The following EHF variants were observed in gnomAD, a reference collection of about 807,000 sequenced individuals.
EHF encodes ETS homologous factor.
A neutral mutation model predicts 45.1 loss-of-function variants in EHF; 14 were observed. That is an observed-to-expected ratio of 0.31 (90% CI 0.21 to 0.49). The LOEUF (loss-of-function observed/expected upper bound fraction) is 0.49, where lower values mean the gene tolerates loss of function less well. Among genes scored for constraint, EHF ranks in the 20% least tolerant of loss-of-function variants. The pLI, the probability that EHF is intolerant of heterozygous loss-of-function variation, is 0.99. For missense variants in EHF, 282 were observed against 371.4 expected, an observed-to-expected ratio of 0.76 and a Z score of 1.98; for synonymous variants, 136 against 131.8, an observed-to-expected ratio of 1.03 and a Z score of -0.22.
chr11:34,631,451 C>T lies in EHF; in HGVS notation c.-4+10223C>T, dbSNP rs146613241. ...GGGCGATTTGTTTAGCTCCTTGTGG[C>T]CCTTTTTGGACTTAGCTTATCATGT... On this transcript the variant is annotated intron_variant, in intron 1 of 8. Coordinates refer to ENST00000257831, the MANE Select transcript of EHF (RefSeq NM_012153.6). 4.9e-4 allele frequency: 219 copies of T among 444,272 alleles called. 1 individual carries two copies. The highest frequency in any genetic ancestry group is 4.4e-3 in the African/African-American group (204 of 46,816). The allele number at this position is 444,272 out of a possible 1,614,324, so 27.5% of individuals were successfully genotyped here. A position where few individuals can be genotyped will look rare whatever the true frequency, so the allele number is the denominator to read the frequency against.
intron 1 of EHF, among the ~76,000 whole-genome samples, chr11:34,631,083 G>A (rs1479528732): frequency 5.9e-5 from 9 of 152,144 alleles, no homozygotes. Flanking sequence ...CAGGCTGGGT[G>A]TGCAGTGGCA....
At position 34,659,262 on chromosome 11, in the gene EHF, G is replaced by A. The variant is rs1240629243; in HGVS notation, c.*331G>A. On this transcript the variant is annotated 3_prime_UTR_variant, in exon 9 of 9. Transcript: ENST00000257831. ...TTTGTAGCCTTGTGCTTCTTGCTAA[G>A]AGAAAGAAAAACAAAATCAGAGGGC... 2.0e-5 allele frequency: 4 copies of A among 195,740 alleles called. No individual in the cohort carries two copies. The highest frequency in any genetic ancestry group is 4.1e-5 in the Non-Finnish European group (4 of 97,040). The allele number at this position is 195,740 out of a possible 1,614,324, so 12.1% of individuals were successfully genotyped here.
intron 3 of EHF, among the ~76,000 whole-genome samples, chr11:34,647,567 A>G (rs2134150364): frequency 6.6e-6 from 1 of 152,344 alleles, no homozygotes; most frequent in Non-Finnish European, 1.5e-5. Context: ...GCAATATTTA[A>G]GAACAGGGAG....
intron 6 of EHF, among the ~76,000 whole-genome samples, chr11:34,652,656 G>T (rs1472740262): frequency 6.6e-6 from 1 of 152,182 alleles, no homozygotes; most frequent in Non-Finnish European, 1.5e-5. Flanking sequence ...CTCTCTCCTG[G>T]AATTAAATTT....
At position 34,661,147 on chromosome 11, in the gene EHF, A is replaced by G. The variant is rs1217797946; in HGVS notation, c.*2216A>G. On this transcript the variant is annotated 3_prime_UTR_variant, in exon 9 of 9. Coordinates refer to ENST00000257831, the MANE Select transcript of EHF (RefSeq NM_012153.6). ...TGCTTTACAAGAAGGCCAAAGAACT[A>G]TGGGGCCTTCCCAGCATTTGACTGT... 6.6e-6 allele frequency: 1 copy of G among 152,186 alleles called. No homozygotes were observed. Among genetic ancestry groups the G allele is most frequent in the African/African-American group, 2.4e-5 (1 of 41,470 alleles). 9.4% of individuals were successfully genotyped at this position (152,186 alleles called of 1,614,324 possible).
intron 1 of EHF, chr11:34,642,062 C>T (rs1854052505): frequency 1.3e-5 from 2 of 152,158 alleles, no homozygotes; most frequent in Admixed American, 1.3e-4. Context: ...ATCACAAAGC[C>T]AGATACTTGA....
At chr11:34,654,171 C>T (rs1383924505) in intron 6 of EHF, among the ~76,000 whole-genome samples, 1 of 152,350 alleles carries the variant, frequency 6.6e-6, no homozygotes, top group South Asian at 2.1e-4. Context: ...TGAAGTCACG[C>T]TCTCTCACTT....
intron 1 of EHF, among the ~76,000 whole-genome samples, chr11:34,625,591 C>T (rs1245592455): frequency 2.6e-5 from 4 of 152,206 alleles, no homozygotes; most frequent in East Asian, 3.8e-4. Flanking sequence ...GCCCAGAAAG[C>T]GTCAACCTTG....
intron 6 of EHF, among the ~76,000 whole-genome samples, chr11:34,656,274 C>T (rs1459796355): frequency 2.6e-5 from 4 of 152,132 alleles, no homozygotes; most frequent in African/African-American, 9.7e-5. Context: ...TGAGCTTGGG[C>T]CACTCAATGG....
chr11:34,647,933 C>T (rs1211017665), intron 3 of EHF, among the ~76,000 whole-genome samples: 2 of 152,294 alleles, frequency 1.3e-5, no homozygotes, highest in Admixed American at 6.5e-5. Context: ...TTACCTCCAC[C>T]CCCCAATTAA....
chr11:34,631,506 T>C (rs1852887117), intron 1 of EHF: 2 of 914,604 alleles, frequency 2.2e-6, no homozygotes, highest in Non-Finnish European at 2.6e-6. Flanking sequence ...GAAGTGAGCA[T>C]GTGATGATGC....
intron 4 of EHF, among the ~76,000 whole-genome samples, chr11:34,650,165 CAG>C (rs1438188334): frequency 6.6e-6 from 1 of 152,158 alleles, no homozygotes; most frequent in Non-Finnish European, 1.5e-5. Flanking sequence ...CCGAAGGAGC[CAG>C]GGTAATACTG....
intron 2 of EHF, among the ~76,000 whole-genome samples, chr11:34,643,814 C>G (rs773781875): frequency 6.6e-6 from 1 of 152,160 alleles, no homozygotes; most frequent in African/African-American, 2.4e-5. Context: ...TTTGGCATCC[C>G]CAGGACCCTG....
At chr11:34,650,529 A>G (rs976880707) in intron 4 of EHF, among the ~76,000 whole-genome samples, 1 of 152,228 alleles carries the variant, frequency 6.6e-6, no homozygotes, top group African/African-American at 2.4e-5. Context: ...TATAAAAACA[A>G]AATGAAACTC....
intron 1 of EHF, among the ~76,000 whole-genome samples, chr11:34,627,881 C>T (rs530660516): frequency 6.6e-6 from 1 of 152,280 alleles, no homozygotes; most frequent in Admixed American, 6.5e-5. Flanking sequence ...ATTTTCATGT[C>T]TTATTACACC....
chr11:34,646,369 C>T, intron 2 of EHF, 70 bp from the exon 3 acceptor site: 1 of 1,597,514 alleles, frequency 6.3e-7, no homozygotes. Context: ...GCCAACAGTA[C>T]ATCCCTGTGT....
chr11:34,643,771 C>A (rs1331677637), intron 2 of EHF, among the ~76,000 whole-genome samples: 1 of 152,106 alleles, frequency 6.6e-6, no homozygotes, highest in Non-Finnish European at 1.5e-5. Flanking sequence ...CTGTGAGGAC[C>A]CAGAAAGTGG....
chr11:34,637,504 A>G (rs1853560460), intron 1 of EHF, among the ~76,000 whole-genome samples: 1 of 152,182 alleles, frequency 6.6e-6, no homozygotes, highest in Non-Finnish European at 1.5e-5. Flanking sequence ...TTAGCACAGA[A>G]CAGTGCTTTC....
Position 34,651,481 on chromosome 11 carries a change from G to A in EHF, c.407-61G>A, listed in dbSNP as rs73446846. 3.6e-3 allele frequency: 5,151 copies of A among 1,415,068 alleles called. 154 individuals carry two copies. In the African/African-American group the frequency reaches 0.066, roughly 18 times the overall value. The allele number at this position is 1,415,068 out of a possible 1,614,324, so 87.7% of individuals were successfully genotyped here. ...GTTGATGAACAATGAATTAGAAAACGCAGCCTCTTCTCCCTGGGGAAAAGA... is the reference window on the plus strand; with the variant it reads ...GTTGATGAACAATGAATTAGAAAACACAGCCTCTTCTCCCTGGGGAAAAGA... On this transcript the variant is annotated intron_variant, in intron 4 of 8. Transcript: ENST00000257831.
Sources: allele counts gnomAD v4.1 joint callset (sites outside exome capture counted in the v4.1 genomes callset), GRCh38; gene constraint gnomAD v4.1.1; transcripts MANE v1.5; gene names NCBI Gene and HGNC (gene_info 2026-07-23, HGNC 2026-07-21).